LEPROTL1: variants seen among roughly 807,000 people sequenced by gnomAD.
LEPROTL1 encodes leptin receptor overlapping transcript like 1.
A neutral mutation model predicts 15.4 loss-of-function variants in LEPROTL1; 6 were observed. That is an observed-to-expected ratio of 0.39 (90% CI 0.21 to 0.77). The LOEUF is 0.77. Among genes scored for constraint, LEPROTL1 ranks in the 30% least tolerant of loss-of-function variants. LEPROTL1 has a pLI of 0.41. For synonymous variants in LEPROTL1, 56 were observed against 52.6 expected (o/e 1.06, Z -0.28); for missense variants, 128 against 158.1 (o/e 0.81, Z 1.02).
At position 30,132,685 on chromosome 8, in the gene LEPROTL1, C is replaced by T. The variant is rs61745343; in HGVS notation, c.394+196C>T. 1.3e-3 allele frequency: 1,994 copies of T among 1,551,722 alleles called. 26 individuals carry two copies. In the African/African-American group the frequency reaches 0.023, roughly 18 times the overall value. ...ATGCAAAGCACTGGACCCTTGAACA[C>T]GAGCCTGAAATCGCTGGAAGGAGCA... On this transcript the variant is annotated intron_variant, in intron 4 of 4. Coordinates refer to the LEPROTL1 transcript ENST00000442880.
chr8:30,129,872 C>G, intron 3 of LEPROTL1, among the ~76,000 whole-genome samples: 2 of 152,010 alleles, frequency 1.3e-5, no homozygotes, highest in South Asian at 4.2e-4. Flanking sequence ...AAAATCGTGG[C>G]GGAAGGTGAA....
downstream of LEPROTL1, among the ~76,000 whole-genome samples, chr8:30,109,923 A>T (rs1435614498): frequency 6.6e-6 from 1 of 151,946 alleles, no homozygotes; most frequent in Non-Finnish European, 1.5e-5. Flanking sequence ...GCACCAGATA[A>T]GGGAGGTGTT....
In LEPROTL1 at chr8:30,130,055, G is replaced by A. The variant is rs199923680; in HGVS notation, c.280-2320G>A. On this transcript the variant is annotated intron_variant, in intron 3 of 4. Transcript: ENST00000442880. ...TCGCCTCCCACCAGGCCCCTCTTCC[G>A]ACACTGGGGATTACAATTCAACATG... Among the ~76,000 whole-genome samples the A allele has an allele frequency of 2.8e-4, 42 of 152,166 alleles. 1 individual carries two copies. The East Asian group carries it at 5.8e-3, about 21-fold the overall frequency.
Position 30,106,999 on chromosome 8 carries a change from T to C in LEPROTL1, c.*1137T>C. On this transcript the variant is annotated 3_prime_UTR_variant, in exon 4 of 4. Coordinates refer to ENST00000321250, the MANE Select transcript of LEPROTL1 (RefSeq NM_015344.3). ...TGATTAACAAGTAACTTGTTAGTCT[T>C]ACAGATAATTCATGCATTAACAGTT... 1.0e-6 allele frequency: 1 copy of C among 984,904 alleles called. No homozygotes were observed. The highest frequency in any genetic ancestry group is 1.2e-6 in the Non-Finnish European group (1 of 829,288). 61.0% of individuals were successfully genotyped at this position (984,904 alleles called of 1,614,324 possible). A position where few individuals can be genotyped will look rare whatever the true frequency, so the allele number is the denominator to read the frequency against.
At chr8:30,113,308 G>C (rs1001459873), downstream of LEPROTL1, among the ~76,000 whole-genome samples, 4 of 151,966 alleles carry the variant, frequency 2.6e-5, no homozygotes, top group South Asian at 2.1e-4. Flanking sequence ...AGAAATACAT[G>C]GGCAAAGTTA....
intron 4 of LEPROTL1, chr8:30,132,570 A>G (rs1803047344): frequency 1.3e-6 from 2 of 1,551,742 alleles, no homozygotes; most frequent in African/African-American, 2.7e-5. Flanking sequence ...CCGCTCCTGC[A>G]TCCACCACCC....
At position 30,095,495 on chromosome 8, in the gene LEPROTL1, A is replaced by G; in HGVS notation, c.-18A>G. 6.8e-7 allele frequency: 1 copy of G among 1,461,090 alleles called. No homozygotes were observed. The highest frequency in any genetic ancestry group is 1.3e-5 in the South Asian group (1 of 76,334). 90.5% of individuals were successfully genotyped at this position (1,461,090 alleles called of 1,614,324 possible). A position where few individuals can be genotyped will look rare whatever the true frequency, so the allele number is the denominator to read the frequency against. ...CGCCGCCGCCTCGGGTCGTGGAGCC[A>G]GGAGCGACGTCACCGCCATGGCAGG... On this transcript the variant is annotated 5_prime_UTR_variant, in exon 1 of 4. Transcript: ENST00000321250.
At chr8:30,113,736 A>G (rs1362978836) in intron 3 of LEPROTL1, among the ~76,000 whole-genome samples, 1 of 152,186 alleles carries the variant, frequency 6.6e-6, no homozygotes, top group Non-Finnish European at 1.5e-5. Flanking sequence ...TTCATCCGTA[A>G]TGCTGGGAAA....
chr8:30,131,998 A>G (rs1803025205), intron 3 of LEPROTL1: 2 of 1,552,008 alleles, frequency 1.3e-6, no homozygotes, highest in Admixed American at 2.0e-5. Context: ...ACAGTACACC[A>G]TGGGAAAGAC....
intron 4 of LEPROTL1, among the ~76,000 whole-genome samples, chr8:30,135,910 T>C (rs1163867343): frequency 1.6e-5 from 1 of 61,562 alleles, no homozygotes; most frequent in Non-Finnish European, 3.5e-5. Context: ...TGAGACCTTG[T>C]CTGAAAAAAA....
intron 3 of LEPROTL1, among the ~76,000 whole-genome samples, chr8:30,118,076 GAGC>G (rs1451692157): frequency 7.2e-6 from 1 of 138,296 alleles, no homozygotes; most frequent in Non-Finnish European, 1.5e-5. Context: ...CCAGGCTGCA[GAGC>G]AGTGGCAGAA....
chr8:30,102,837 A>G (rs1024521082), intron 2 of LEPROTL1, among the ~76,000 whole-genome samples: 6 of 152,150 alleles, frequency 3.9e-5, no homozygotes, highest in African/African-American at 9.7e-5. Flanking sequence ...AACAAAATCT[A>G]TTGACAAAGA....
chr8:30,114,653 T>C (rs1008730028), intron 3 of LEPROTL1, among the ~76,000 whole-genome samples: 2 of 152,008 alleles, frequency 1.3e-5, no homozygotes, highest in African/African-American at 4.8e-5. Context: ...TTTATTCGAG[T>C]TGGAAAACTC....
intron 3 of LEPROTL1, among the ~76,000 whole-genome samples, chr8:30,116,323 A>C (rs1035722122): frequency 6.6e-6 from 1 of 152,112 alleles, no homozygotes; most frequent in Non-Finnish European, 1.5e-5. Context: ...GCAGTCCCCA[A>C]TCTTGTTGGC....
At chr8:30,117,659 A>T (rs1585472773) in intron 3 of LEPROTL1, 2 of 1,483,658 alleles carry the variant, frequency 1.3e-6, no homozygotes, top group East Asian at 4.5e-5. Flanking sequence ...TCATCATCAC[A>T]GTGAGAAACC....
intron 3 of LEPROTL1, among the ~76,000 whole-genome samples, chr8:30,105,333 G>C (rs1802545186): frequency 6.6e-6 from 1 of 152,072 alleles, no homozygotes; most frequent in Non-Finnish European, 1.5e-5. Context: ...ATCTACTCTA[G>C]ATAGATTTTT....
intron 3 of LEPROTL1, among the ~76,000 whole-genome samples, chr8:30,114,290 T>TGTTTTGTTTC (rs1802701281): frequency 1.3e-5 from 2 of 151,536 alleles, no homozygotes; most frequent in South Asian, 4.2e-4. Context: ...TGTTTTGTTT[T>TGTTTTGTTTC]GTTTTGTTTT....
In LEPROTL1 at chr8:30,127,766, C is replaced by A. The variant is rs540328679; in HGVS notation, c.280-4609C>A. 5.3e-5 allele frequency among the ~76,000 whole-genome samples: 8 copies of A among 151,204 alleles called. No individual in the cohort carries two copies. In the East Asian group the frequency reaches 1.6e-3, roughly 30 times the overall value. ...GAACAAGACAAAAAGCAGGGGTAAC[C>A]TGAGGGTTACTTCTAGATCAAGCAA... On this transcript the variant is annotated intron_variant, in intron 3 of 4. Transcript: ENST00000442880.
downstream of LEPROTL1, among the ~76,000 whole-genome samples, chr8:30,110,661 G>C (rs113476471): frequency 0.028 from 4,275 of 152,112 alleles, 216 homozygotes; most frequent in African/African-American, 0.098. Context: ...TTGAACCCAG[G>C]AGGCAGAGGT....
Sources: gnomAD v4.1 joint callset for allele counts (sites outside exome capture counted in the v4.1 genomes callset) on GRCh38, gnomAD v4.1.1 for gene constraint, MANE v1.5 for transcripts, NCBI Gene and HGNC (gene_info 2026-07-23, HGNC 2026-07-21) for gene names.